ADCY1: variants seen among roughly 807,000 people sequenced by gnomAD.
ADCY1 encodes adenylate cyclase type 1.
A neutral mutation model predicts 105.4 loss-of-function variants in ADCY1; 28 were observed. The ratio of observed to expected loss-of-function variants is 0.27; its 90% CI spans 0.20 to 0.36. The LOEUF (loss-of-function observed/expected upper bound fraction) is 0.36. Among genes scored for constraint, ADCY1 ranks in the 10% least tolerant of loss-of-function variants. ADCY1 has a pLI of 1.00. For synonymous variants in ADCY1, 655 were observed against 623.8 expected (o/e 1.05, Z -0.75); for missense variants, 977 against 1,434.2 (o/e 0.68, Z 5.15).
chr7:45,656,355 A>G (rs886866245), intron 5 of ADCY1, among the ~76,000 whole-genome samples: 1 of 152,212 alleles, frequency 6.6e-6, no homozygotes, highest in Non-Finnish European at 1.5e-5. Context: ...GGTATTAAAG[A>G]TATATCAGTA....
rs928280676 is a variant in ADCY1, at chr7:45,647,271, G to A, written c.1021-1399G>A. On this transcript the variant is annotated intron_variant, in intron 4 of 19. Coordinates refer to ENST00000297323, the MANE Select transcript of ADCY1 (RefSeq NM_021116.4). This position sits in a 1 kb window ranked among gnomAD's most constrained non-coding sequence, Gnocchi z 4.6. ...AGCCTGGGAACTGGGGCTCCCAGCG[G>A]TCGGTGTGGCCTGTCCCTGTCCTGA... Among the ~76,000 whole-genome samples the A allele has an allele frequency of 4.6e-5, 7 of 152,352 alleles. No individual in the cohort carries two copies. Among genetic ancestry groups the A allele is most frequent in the Admixed American group, 4.6e-4 (7 of 15,306 alleles).
At chr7:45,586,719 G>T (rs538623607) in intron 1 of ADCY1, among the ~76,000 whole-genome samples, 2 of 152,222 alleles carry the variant, frequency 1.3e-5, no homozygotes. Context: ...GGTGTCCACT[G>T]GGGGCTCAGT....
chr7:45,684,713 A>T (rs1784631498), intron 11 of ADCY1: 1 of 311,818 alleles, frequency 3.2e-6, no homozygotes, highest in Admixed American at 4.5e-5. Context: ...AGTGCCAATC[A>T]AAGTTACAAT....
chr7:45,592,210 C>A (rs958378953), intron 1 of ADCY1, among the ~76,000 whole-genome samples: 1 of 152,076 alleles, frequency 6.6e-6, no homozygotes, highest in African/African-American at 2.4e-5. Context: ...CCTTAAACAA[C>A]AGAAATGGAG....
chr7:45,590,286 G>A (rs896314994), intron 1 of ADCY1, among the ~76,000 whole-genome samples: 1 of 152,210 alleles, frequency 6.6e-6, no homozygotes, highest in Non-Finnish European at 1.5e-5. Context: ...GAAACCAGGG[G>A]AGAAAGGAAG....
intron 1 of ADCY1, among the ~76,000 whole-genome samples, chr7:45,582,575 G>T (rs1441144531): frequency 4.0e-5 from 6 of 150,290 alleles, no homozygotes; most frequent in Admixed American, 2.6e-4. Context: ...CTGGCGGGGG[G>T]TGGGGGGTGG....
chr7:45,704,685 C>A, intron 17 of ADCY1, 69 bp downstream of exon 17: 1 of 1,287,794 alleles, frequency 7.8e-7, no homozygotes, highest in South Asian at 1.2e-5. Flanking sequence ...CTCTGGGACC[C>A]TGGGTAGCTT....
chr7:45,684,099 C>T (rs1784618626), intron 11 of ADCY1, among the ~76,000 whole-genome samples: 1 of 152,252 alleles, frequency 6.6e-6, no homozygotes, highest in Non-Finnish European at 1.5e-5. Context: ...CACACCGCTG[C>T]AGAGCAGCGG....
In ADCY1 at chr7:45,595,191, T is replaced by G. The variant is rs1366725856; in HGVS notation, c.789+2283T>G. On this transcript the variant is annotated intron_variant, in intron 2 of 19. Coordinates refer to ENST00000297323, the MANE Select transcript of ADCY1 (RefSeq NM_021116.4). ...CTCTTTTACATCTTTATAAATGATGTCTGCTTATACTCTGCTCTCTATAGC... is the reference window on the plus strand; with the variant it reads ...CTCTTTTACATCTTTATAAATGATGGCTGCTTATACTCTGCTCTCTATAGC... Among the ~76,000 whole-genome samples the G allele has an allele frequency of 2.0e-5, 3 of 152,336 alleles. No individual in the cohort carries two copies. The East Asian group carries it at 5.8e-4, about 29-fold the overall frequency.
At chr7:45,693,666 G>C (rs1784824119) in intron 14 of ADCY1, among the ~76,000 whole-genome samples, 1 of 151,686 alleles carries the variant, frequency 6.6e-6, no homozygotes, top group South Asian at 2.1e-4. Context: ...ACATGCACAC[G>C]TATGTTTATT....
At chr7:45,610,565 G>T in intron 3 of ADCY1, 68 bp downstream of exon 3, 1 of 1,385,232 alleles carries the variant, frequency 7.2e-7, no homozygotes, top group South Asian at 1.2e-5. Context: ...AATGGTGAAG[G>T]TGGGGAGGTG....
rs1584347715 is a variant in ADCY1 at position 45,710,441 on chromosome 7, G to A, written c.2933-87G>A. 3 of 1,541,158 alleles carry A rather than the reference G, an allele frequency of 1.9e-6. No individual in the cohort carries two copies. The highest frequency in any genetic ancestry group is 8.8e-7 in the Non-Finnish European group (1 of 1,139,344). On this transcript the variant is annotated intron_variant, in intron 18 of 19. Coordinates refer to ENST00000297323, the MANE Select transcript of ADCY1 (RefSeq NM_021116.4). This position sits in a 1 kb window ranked among gnomAD's most constrained non-coding sequence, Gnocchi z 4.7. ...AAAGGAGCAGCCTTTTCTCCACCAG[G>A]AGCAGCATCAGGTGCATTTGGTGGC...
intron 8 of ADCY1, among the ~76,000 whole-genome samples, chr7:45,677,141 C>T (rs1643998959): frequency 6.6e-6 from 1 of 152,082 alleles, no homozygotes; most frequent in Non-Finnish European, 1.5e-5. Context: ...AGTCTGTGTG[C>T]TTATTTTACA....
Position 45,594,841 on chromosome 7 carries a change from AT to A in ADCY1, c.789+1934del, listed in dbSNP as rs1394025190. ...CACCCAATCCAGTTAACCCAGCCAA[AT>A]GCTATTTAGTGTTCAGATTTTGTCT... On this transcript the variant is annotated intron_variant, in intron 2 of 19. Transcript: ENST00000297323. Among the ~76,000 whole-genome samples, 19 of 152,184 alleles carry A rather than the reference AT, an allele frequency of 1.2e-4. No homozygotes were observed. In the East Asian group the frequency reaches 2.9e-3, roughly 23 times the overall value.
chr7:45,645,330 C>G (rs6958222), intron 4 of ADCY1, among the ~76,000 whole-genome samples: 7,064 of 152,080 alleles, frequency 0.046, 230 homozygotes, highest in South Asian at 0.12. Context: ...ACATAGGACT[C>G]CTGTAGGGAT....
chr7:45,666,936 G>T (rs1025816127), intron 8 of ADCY1, among the ~76,000 whole-genome samples: 37 of 152,228 alleles, frequency 2.4e-4, no homozygotes, highest in Admixed American at 5.2e-4. Context: ...CTTTTGAGAA[G>T]TGTCTGTTCA....
intron 6 of ADCY1, 146 bp downstream of exon 6, chr7:45,658,031 C>A: frequency 1.0e-6 from 1 of 960,698 alleles, no homozygotes; most frequent in Non-Finnish European, 1.5e-6. Context: ...CCAGCCGCAC[C>A]TGCCAACCAG....
chr7:45,702,096 C>T (rs938533436), intron 14 of ADCY1, among the ~76,000 whole-genome samples: 8 of 152,320 alleles, frequency 5.3e-5, no homozygotes, highest in African/African-American at 1.2e-4. Flanking sequence ...CTCGGGGCCT[C>T]GTCATCTCTA....
At chr7:45,634,795 C>T (rs1375501771) in intron 4 of ADCY1, among the ~76,000 whole-genome samples, 1 of 152,116 alleles carries the variant, frequency 6.6e-6, no homozygotes, top group African/African-American at 2.4e-5. Context: ...GGTTGTAACC[C>T]CATCAGAAGT....
Sources: gnomAD v4.1 joint callset for allele counts (sites outside exome capture counted in the v4.1 genomes callset) on GRCh38, gnomAD v4.1.1 for gene constraint, Gnocchi (gnomAD v3.1) non-coding constraint, MANE v1.5 for transcripts, NCBI Gene and HGNC (gene_info 2026-07-23, HGNC 2026-07-21) for gene names.